The following TRIM37 variants were observed in gnomAD, a reference collection of about 807,000 sequenced individuals.
The protein encoded by TRIM37 is E3 ubiquitin-protein ligase TRIM37.
Under a neutral mutation model 129.8 loss-of-function variants are expected in TRIM37, and 80 were observed. The ratio of observed to expected loss-of-function variants is 0.62; its 90% CI spans 0.51 to 0.74. TRIM37 has a LOEUF of 0.74. Ranked by LOEUF, TRIM37 falls within the 30% of genes least tolerant of loss-of-function variation. The pLI, the probability that TRIM37 is intolerant of heterozygous loss-of-function variation, is 0.00. For missense variants in TRIM37, 1,054 were observed against 1,176.5 expected, an observed-to-expected ratio of 0.90 and a Z score of 1.52; for synonymous variants, 389 against 387.1, an observed-to-expected ratio of 1.00 and a Z score of -0.06.
At chr17:58,975,631 G>T in the TRIM37 span, among the ~76,000 whole-genome samples, 1 of 152,198 alleles carries the variant, frequency 6.6e-6, no homozygotes, top group Non-Finnish European at 1.5e-5. Flanking sequence ...GGCATGGCAT[G>T]TTTTAGGAAA....
Position 59,014,714 on chromosome 17 carries a change from G to GA in TRIM37, c.2576+895dup, listed in dbSNP as rs56746628. Reference sequence around the variant, plus strand: ...ATCTTTGACAAGTGTAGGATAGACTGAAAAAAAAAAAAAAGGCTGACCGCC... The same window carrying GA: ...ATCTTTGACAAGTGTAGGATAGACTGAAAAAAAAAAAAAAAGGCTGACCGCC... On this transcript the variant is annotated intron_variant, in intron 21 of 23. Coordinates refer to ENST00000262294, the MANE Select transcript of TRIM37 (RefSeq NM_015294.6). Among the ~76,000 whole-genome samples, 890 of 111,086 alleles carry GA rather than the reference G, an allele frequency of 8.0e-3. 17 individuals are homozygous for GA. Among genetic ancestry groups the GA allele is most frequent in the Admixed American group, 0.05 (539 of 10,726 alleles). 72.9% of individuals were successfully genotyped at this position (111,086 alleles called of 152,430 possible). A position where few individuals can be genotyped will look rare whatever the true frequency, so the allele number is the denominator to read the frequency against.
At chr17:59,058,778 C>A (rs2041207782) in intron 12 of TRIM37, among the ~76,000 whole-genome samples, 1 of 151,902 alleles carries the variant, frequency 6.6e-6, no homozygotes, top group African/African-American at 2.4e-5. Flanking sequence ...GCAGGAGGAT[C>A]ACCTGGGCCC....
chr17:59,056,836 C>A (rs557368065), intron 13 of TRIM37, 39 bp downstream of exon 13: 33 of 1,504,856 alleles, frequency 2.2e-5, no homozygotes, highest in Middle Eastern at 1.8e-4. Context: ...ATATTATTTC[C>A]CCACAATAAA....
chr17:59,054,792 G>A (rs1166942106), intron 13 of TRIM37, among the ~76,000 whole-genome samples: 1 of 151,960 alleles, frequency 6.6e-6, no homozygotes, highest in East Asian at 2.0e-4. Context: ...GGCCTCCTGA[G>A]TAGCTGGGAT....
chr17:58,969,787 G>A, the TRIM37 span: 1 of 1,530,708 alleles, frequency 6.5e-7, no homozygotes, highest in South Asian at 1.2e-5. Flanking sequence ...AATTTGGTCT[G>A]TGTGGTTAAA....
intron 16 of TRIM37, among the ~76,000 whole-genome samples, chr17:59,046,025 A>G (rs940027494): frequency 5.9e-5 from 9 of 152,166 alleles, no homozygotes; most frequent in African/African-American, 2.2e-4. Flanking sequence ...CAAAAAAAAA[A>G]AATTATCCAC....
chr17:59,030,813 T>C (rs2037763646), intron 18 of TRIM37, among the ~76,000 whole-genome samples: 1 of 152,224 alleles, frequency 6.6e-6, no homozygotes, highest in Admixed American at 6.5e-5. Context: ...GTTTAAAGGA[T>C]ATAGATATTT....
chr17:59,098,570 C>A (rs976383079), intron 2 of TRIM37, among the ~76,000 whole-genome samples: 7 of 150,562 alleles, frequency 4.6e-5, no homozygotes, highest in Admixed American at 3.3e-4. Context: ...GAGTGTGAAG[C>A]AGGCCAACTG....
intron 2 of TRIM37, among the ~76,000 whole-genome samples, chr17:59,098,329 T>A (rs1474946655): frequency 6.6e-6 from 1 of 152,184 alleles, no homozygotes; most frequent in Non-Finnish European, 1.5e-5. Flanking sequence ...ACAATGTGAA[T>A]GTACTTAATG....
At chr17:59,035,775 A>C (rs2038404995) in intron 17 of TRIM37, among the ~76,000 whole-genome samples, 1 of 151,440 alleles carries the variant, frequency 6.6e-6, no homozygotes, top group South Asian at 2.1e-4. Flanking sequence ...AAAAAAACAA[A>C]AAAACAACAA....
chr17:59,070,921 C>T lies in TRIM37; in HGVS notation c.711G>A (p.Leu237=), dbSNP rs2042307434. The change falls in exon 9 of 24, where the codon TTG becomes TTA. Residue 237 remains leucine (L), a synonymous_variant. Transcript: ENST00000262294. ...TAAGGATCTCTGAGCTCTTAGATAT[C>T]AACTCACTCTTACTACAAGACCGCA... The part of the protein sequence containing the change: ...HQLRSCSKSE[L]ISKSSEILMM... The T allele has an allele frequency of 6.2e-7, 1 of 1,613,886 alleles. No homozygotes were observed. Among genetic ancestry groups the T allele is most frequent in the Admixed American group, 1.7e-5 (1 of 59,998 alleles).
chr17:59,028,695 T>C lies in TRIM37; in HGVS notation c.1977A>G (p.Gln659=), dbSNP rs140874364. The C allele has an allele frequency of 1.9e-6, 3 of 1,614,228 alleles. No individual in the cohort carries two copies. Among genetic ancestry groups the C allele is most frequent in the East Asian group, 2.2e-5 (1 of 44,894 alleles). Residue 659 remains glutamine (Q), a synonymous_variant, in exon 19 of 24, where the codon CAA becomes CAG. Coordinates refer to ENST00000262294, the MANE Select transcript of TRIM37 (RefSeq NM_015294.6). ...TASYSRKDKD[Q]RKQQAMWRVP... ...CTCGCCACATTGCCTGTTGCTTCCT[T>C]TGGTCTTTATCTTTTCGAGAATATG...
intron 19 of TRIM37, among the ~76,000 whole-genome samples, chr17:59,027,617 A>C (rs1345079750): frequency 2.0e-5 from 3 of 152,234 alleles, no homozygotes. Context: ...CTGGTCTCAC[A>C]ATTCCTGTCC....
chr17:58,982,084 A>C (rs2031387521), downstream of TRIM37: 1 of 152,614 alleles, frequency 6.6e-6, no homozygotes, highest in South Asian at 2.1e-4. Context: ...AGGAGGCTGA[A>C]AGTATTGTCT....
chr17:59,028,430 A>G lies in TRIM37; in HGVS notation c.2242T>C (p.Cys748Arg). 1 of 1,613,036 alleles carries G rather than the reference A, an allele frequency of 6.2e-7. No individual in the cohort carries two copies. Among genetic ancestry groups the G allele is most frequent in the African/African-American group, 1.3e-5 (1 of 75,060 alleles). Reference protein sequence around the residue: ...ELLAKSSVANCYIRNSTNKKS... With the variant: ...ELLAKSSVANRYIRNSTNKKS... ...TATTACTTACAGTTTCGTATGTAACAATTGGCAACTGATGACTTTGCCAGG... is the reference window on the plus strand; with the variant it reads ...TATTACTTACAGTTTCGTATGTAACGATTGGCAACTGATGACTTTGCCAGG... The change falls in exon 19 of 24, where the codon TGT becomes CGT. Residue 748 changes from cysteine to arginine, a missense_variant. Cys to Arg is a radical substitution (Grantham distance 180). This residue lies in a region of TRIM37 where 287 missense variants were observed against 274.3 expected (regional missense o/e 1.05). Coordinates refer to ENST00000262294, the MANE Select transcript of TRIM37 (RefSeq NM_015294.6).
At chr17:59,083,132 A>G (rs2147104785) in intron 5 of TRIM37, among the ~76,000 whole-genome samples, 1 of 152,230 alleles carries the variant, frequency 6.6e-6, no homozygotes, top group South Asian at 2.1e-4. Context: ...TTGTAAGGAG[A>G]TCATTTAATT....
chr17:59,042,428 AT>A (rs146574406), intron 16 of TRIM37, among the ~76,000 whole-genome samples: 40,981 of 84,470 alleles, frequency 0.49, 10,519 homozygotes, highest in East Asian at 0.62. Context: ...AAAAAAAGGA[AT>A]TTAAAAAAAA....
At chr17:58,994,848 TAAGC>T (rs2032822998), downstream of TRIM37, among the ~76,000 whole-genome samples, 1 of 151,728 alleles carries the variant, frequency 6.6e-6, no homozygotes, top group African/African-American at 2.4e-5. Flanking sequence ...CTCACGGGTT[TAAGC>T]GATTCTCCTG....
At chr17:59,010,246 T>C (rs930508514) in intron 22 of TRIM37, among the ~76,000 whole-genome samples, 4 of 152,194 alleles carry the variant, frequency 2.6e-5, no homozygotes, top group African/African-American at 9.7e-5. Flanking sequence ...TAGAGACATT[T>C]TTGGTTGTTG....
Sources: allele counts gnomAD v4.1 joint callset (sites outside exome capture counted in the v4.1 genomes callset), GRCh38; gene constraint gnomAD v4.1.1; regional missense constraint gnomAD v4.1.1; transcripts MANE v1.5; gene names NCBI Gene and HGNC (gene_info 2026-07-23, HGNC 2026-07-21).